The following PDE6A variants were observed in gnomAD, a reference collection of about 807,000 sequenced individuals.
The protein encoded by PDE6A is phosphodiesterase 6A.
In PDE6A, 84 loss-of-function variants were observed where a neutral mutation model predicts 106.3. The ratio of observed to expected loss-of-function variants is 0.79; its 90% CI spans 0.66 to 0.95. The LOEUF (loss-of-function observed/expected upper bound fraction) is 0.95, where lower values mean the gene tolerates loss of function less well. PDE6A is among the 40% of genes least tolerant of loss of function. PDE6A has a pLI of 0.00. For synonymous variants in PDE6A, 394 were observed against 386.6 expected, an observed-to-expected ratio of 1.02 and a Z score of -0.23; for missense variants, 1,052 against 1,084.9, an observed-to-expected ratio of 0.97 and a Z score of 0.43.
chr5:149,895,232 T>C lies in PDE6A; in HGVS notation c.1679A>G (p.Asn560Ser). Reference sequence around the variant, plus strand: ...CCCCACGTTGAAGCCGTGCCGCCAGTTGTGGTAGGTGATCTTGCGGTAGCC... The same window carrying C: ...CCCCACGTTGAAGCCGTGCCGCCAGCTGTGGTAGGTGATCTTGCGGTAGCC... ...SKGYRKITYH[N>S]WRHGFNVGQT... Residue 560 changes from asparagine to serine, a missense_variant, in exon 13 of 22, where the codon AAC becomes AGC. By Grantham distance (46) the Asn-to-Ser change is conservative. This residue lies in a region of PDE6A where 913 missense variants were observed against 915.2 expected (regional missense o/e 1.00). Coordinates refer to ENST00000255266, the MANE Select transcript of PDE6A (RefSeq NM_000440.3). The C allele has an allele frequency of 6.2e-7, 1 of 1,613,952 alleles. No homozygotes were observed. The highest frequency in any genetic ancestry group is 1.7e-5 in the Admixed American group (1 of 60,014).
chr5:149,866,147 G>A (rs756732944), intron 20 of PDE6A, 23 bp downstream of exon 20: 16 of 1,560,990 alleles, frequency 1.0e-5, no homozygotes, highest in African/African-American at 1.4e-5. Context: ...ATCTTGTTGC[G>A]GCTGAGGAAG....
At chr5:149,914,813 G>A in intron 6 of PDE6A, 130 bp downstream of exon 6, 1 of 740,600 alleles carries the variant, frequency 1.4e-6, no homozygotes, top group Non-Finnish European at 2.5e-6. Flanking sequence ...TGTCTATAAA[G>A]TCAACCTTGT....
At chr5:149,898,300 T>C (rs1752834493) in intron 10 of PDE6A, 63 bp downstream of exon 10, 2 of 1,547,128 alleles carry the variant, frequency 1.3e-6, no homozygotes, top group Admixed American at 1.7e-5. Context: ...TTTGCCTTAA[T>C]CTGGCCACAT....
intron 5 of PDE6A, among the ~76,000 whole-genome samples, chr5:149,919,951 G>T (rs975412546): frequency 1.4e-5 from 2 of 145,930 alleles, no homozygotes; most frequent in South Asian, 2.3e-4. Flanking sequence ...TAATTGGTTG[G>T]AATTCAGACA....
Position 149,934,712 on chromosome 5 carries a change from G to A in PDE6A, c.481C>T (p.His161Tyr). The A allele has an allele frequency of 6.2e-7, 1 of 1,613,824 alleles. No individual in the cohort carries two copies. Among genetic ancestry groups the A allele is most frequent in the Non-Finnish European group, 8.5e-7 (1 of 1,180,020 alleles). ...AGGATGTCCACAAAGTCACAGAAATGCTCATCCTAAAGGAAGGCAGAGATA... is the reference window on the plus strand; with the variant it reads ...AGGATGTCCACAAAGTCACAGAAATACTCATCCTAAAGGAAGGCAGAGATA... ...ANVPNTEEDE[H>Y]FCDFVDILTE... Residue 161 changes from histidine (H) to tyrosine (Y), a missense_variant, in exon 2 of 22, where the codon CAT becomes TAT. Physicochemically the swap from His to Tyr is moderately conservative, Grantham distance 83. Transcript: ENST00000255266.
At chr5:149,914,590 CAA>C (rs1446578507) in intron 6 of PDE6A, among the ~76,000 whole-genome samples, 1 of 149,164 alleles carries the variant, frequency 6.7e-6, no homozygotes. Flanking sequence ...GCCAATTTCC[CAA>C]AAAGTCCTGT....
In PDE6A at chr5:149,867,843, C is replaced by A. The variant is rs373679810; in HGVS notation, c.2200-44G>T. The A allele has an allele frequency of 1.5e-5, 23 of 1,569,070 alleles. No homozygotes were observed. In the East Asian group the frequency reaches 4.9e-4, roughly 34 times the overall value. ...CACACACGCAGAGTCAGAGCCCCAG[C>A]CCAATCCCCTACCCCTGCTCCCACC... is the stretch of plus-strand genomic sequence containing the variant. On this transcript the variant is annotated intron_variant, in intron 18 of 21. Transcript: ENST00000255266.
intron 8 of PDE6A, among the ~76,000 whole-genome samples, chr5:149,899,812 G>A (rs1388551165): frequency 6.6e-6 from 1 of 152,238 alleles, no homozygotes; most frequent in African/African-American, 2.4e-5. Context: ...GAACATCCCA[G>A]AGAGGTAGTG....
chr5:149,918,521 G>T (rs12654002), intron 5 of PDE6A, among the ~76,000 whole-genome samples: 7 of 152,188 alleles, frequency 4.6e-5, no homozygotes, highest in African/African-American at 1.4e-4. Context: ...ACTTAATTTC[G>T]TATGGAGTGA....
intron 18 of PDE6A, 81 bp downstream of exon 18, chr5:149,868,014 G>A (rs1184753448): frequency 7.2e-7 from 1 of 1,383,134 alleles, no homozygotes; most frequent in Non-Finnish European, 1.0e-6. Flanking sequence ...TTCTGGAGCT[G>A]GGCTGAGAGA....
chr5:149,909,099 A>G (rs1335772982), intron 6 of PDE6A, among the ~76,000 whole-genome samples: 1 of 152,010 alleles, frequency 6.6e-6, no homozygotes, highest in Non-Finnish European at 1.5e-5. Flanking sequence ...GGCTTTAAGC[A>G]ATCCTCCCAC....
At chr5:149,898,541 A>G in intron 9 of PDE6A, 35 bp from the exon 10 acceptor site, 1 of 1,603,738 alleles carries the variant, frequency 6.2e-7, no homozygotes, top group Non-Finnish European at 8.5e-7. Flanking sequence ...CAGAGACAGA[A>G]CACCTAAGTT....
intron 6 of PDE6A, among the ~76,000 whole-genome samples, chr5:149,910,502 A>G (rs939561531): frequency 1.3e-5 from 2 of 151,476 alleles, no homozygotes; most frequent in African/African-American, 4.9e-5. Context: ...CAGATTTTTT[A>G]TCATATCTCA....
chr5:149,929,678 ATTTCATAT>A (rs1753973891), intron 4 of PDE6A, among the ~76,000 whole-genome samples: 1 of 152,126 alleles, frequency 6.6e-6, no homozygotes, highest in Non-Finnish European at 1.5e-5. Context: ...GTATTGTAGG[ATTTCATAT>A]ATATGAACCT....
intron 4 of PDE6A, among the ~76,000 whole-genome samples, chr5:149,929,735 G>T (rs1753975699): frequency 6.6e-6 from 1 of 152,112 alleles, no homozygotes; most frequent in African/African-American, 2.4e-5. Flanking sequence ...ACGTCAGATG[G>T]TGGTAACCTT....
At chr5:149,873,002 C>G (rs1039731316) in intron 17 of PDE6A, among the ~76,000 whole-genome samples, 1 of 152,106 alleles carries the variant, frequency 6.6e-6, no homozygotes, top group Non-Finnish European at 1.5e-5. Flanking sequence ...AGGGCCAGCT[C>G]GTCCATTCAA....
chr5:149,933,459 G>A (rs1015781086), intron 3 of PDE6A, among the ~76,000 whole-genome samples: 3 of 152,084 alleles, frequency 2.0e-5, no homozygotes, highest in Non-Finnish European at 4.4e-5. Flanking sequence ...ACAAACTGGG[G>A]CTCAGAGAGA....
intron 6 of PDE6A, among the ~76,000 whole-genome samples, chr5:149,914,664 A>AT (rs928657139): frequency 3.3e-5 from 5 of 151,760 alleles, no homozygotes; most frequent in African/African-American, 4.8e-5. Context: ...CCAAAAAAAA[A>AT]AAAAAAAGGT....
intron 8 of PDE6A, among the ~76,000 whole-genome samples, chr5:149,899,810 C>T (rs1752900895): frequency 1.3e-5 from 2 of 152,152 alleles, no homozygotes; most frequent in Admixed American, 1.3e-4. Context: ...CAGAACATCC[C>T]AGAGAGGTAG....
Sources: allele counts gnomAD v4.1 joint callset (sites outside exome capture counted in the v4.1 genomes callset), GRCh38; gene constraint gnomAD v4.1.1; regional missense constraint gnomAD v4.1.1; transcripts MANE v1.5; gene names NCBI Gene and HGNC (gene_info 2026-07-23, HGNC 2026-07-21).